The following PNO1 variants were observed in gnomAD, a reference collection of about 807,000 sequenced individuals.
PNO1 encodes partner of NOB1 homolog, also known as RNA-binding protein PNO1.
PNO1 carries 16 observed loss-of-function variants against 28.4 expected under a neutral mutation model. The ratio of observed to expected loss-of-function variants is 0.56; its 90% CI spans 0.38 to 0.85. The LOEUF (loss-of-function observed/expected upper bound fraction) is 0.85, where lower values mean the gene tolerates loss of function less well. Ranked by LOEUF, PNO1 falls within the 40% of genes least tolerant of loss-of-function variation. The probability of loss-of-function intolerance (pLI) is 0.00; values close to 1 mark genes in which losing one functional copy is unlikely to be tolerated. For missense variants in PNO1, 304 were observed against 312.2 expected, an observed-to-expected ratio of 0.97 and a Z score of 0.20; for synonymous variants, 115 against 110.8, an observed-to-expected ratio of 1.04 and a Z score of -0.24.
At chr2:68,169,954 T>G (rs1339281609) in intron 5 of PNO1, among the ~76,000 whole-genome samples, 2 of 152,226 alleles carry the variant, frequency 1.3e-5, no homozygotes, top group Non-Finnish European at 2.9e-5. Context: ...GATGGACTTT[T>G]GGGTTGTTTT....
At chr2:68,173,847 C>T (rs1224385715) in intron 6 of PNO1, among the ~76,000 whole-genome samples, 1 of 152,156 alleles carries the variant, frequency 6.6e-6, no homozygotes, top group Admixed American at 6.5e-5. Context: ...TCCCAAAGTG[C>T]TGGGATTACA....
chr2:68,161,956 G>A (rs13388772), intron 3 of PNO1, among the ~76,000 whole-genome samples, 190 bp downstream of exon 3: 4,483 of 151,888 alleles, frequency 0.03, 204 homozygotes, highest in African/African-American at 0.1. Flanking sequence ...CCAACATGGC[G>A]ATACTCTCCA....
At chr2:68,168,743 T>C (rs1026654550) in intron 5 of PNO1, among the ~76,000 whole-genome samples, 3 of 151,990 alleles carry the variant, frequency 2.0e-5, no homozygotes, top group African/African-American at 7.2e-5. Context: ...GATAAAGGGG[T>C]ATTTGGCAAA....
At chr2:68,167,512 C>A (rs1319662928) in intron 5 of PNO1, among the ~76,000 whole-genome samples, 1 of 152,226 alleles carries the variant, frequency 6.6e-6, no homozygotes, top group East Asian at 1.9e-4. Context: ...TAGATAACGG[C>A]AGTCCTGATC....
At chr2:68,159,256 G>A (rs201046439) in intron 2 of PNO1, among the ~76,000 whole-genome samples, 5 of 19,022 alleles carry the variant, frequency 2.6e-4, no homozygotes, top group East Asian at 2.5e-3. Flanking sequence ...GCATATATAT[G>A]TGTGTGTGTG....
rs1674233198 is a variant in PNO1 at position 68,174,864 on chromosome 2, C to T, written c.*62C>T. 9.6e-6 allele frequency: 10 copies of T among 1,043,260 alleles called. No individual in the cohort carries two copies. The Admixed American group carries it at 1.1e-4, about 12-fold the overall frequency. The allele number at this position is 1,043,260 out of a possible 1,614,324, so 64.6% of individuals were successfully genotyped here. ...CTGGTGAAAAATACTTTACAGTGGT[C>T]GGTCACAAGAAACCAGCTGAACAAT... On this transcript the variant is annotated 3_prime_UTR_variant, in exon 7 of 7. Coordinates refer to ENST00000263657, the MANE Select transcript of PNO1 (RefSeq NM_020143.4).
At chr2:68,159,410 T>C (rs1178613607) in intron 2 of PNO1, among the ~76,000 whole-genome samples, 3 of 152,246 alleles carry the variant, frequency 2.0e-5, no homozygotes, top group South Asian at 4.1e-4. Context: ...GGTTTTAGCA[T>C]GTTGGCCAGG....
intron 5 of PNO1, among the ~76,000 whole-genome samples, chr2:68,169,131 G>A (rs1034886365): frequency 1.3e-5 from 2 of 151,840 alleles, no homozygotes; most frequent in African/African-American, 4.8e-5. Flanking sequence ...GGGTTTCACC[G>A]TGTTAGGCAG....
rs1674182791 is a variant in PNO1 at position 68,173,396 on chromosome 2, G to A, written c.670G>A (p.Ala224Thr). ...CCAAAATATCAAGATGGCAAGAACT[G>A]CCATTTGCAACCTAATCTTGGGTAA... Reference protein sequence around the residue: ...SFQNIKMARTAICNLILGNPP... With the variant: ...SFQNIKMARTTICNLILGNPP... Residue 224 changes from alanine (A) to threonine (T), a missense_variant, in exon 6 of 7, where the codon GCC (alanine) becomes ACC (threonine). Physicochemically the swap from Ala to Thr is moderately conservative, Grantham distance 58. Coordinates refer to ENST00000263657, the MANE Select transcript of PNO1 (RefSeq NM_020143.4). The A allele has an allele frequency of 6.2e-7, 1 of 1,603,542 alleles. No individual in the cohort carries two copies. Among genetic ancestry groups the A allele is most frequent in the East Asian group, 2.2e-5 (1 of 44,828 alleles).
intron 2 of PNO1, among the ~76,000 whole-genome samples, chr2:68,160,350 T>C (rs1207628194): frequency 6.6e-6 from 1 of 152,208 alleles, no homozygotes; most frequent in Non-Finnish European, 1.5e-5. Context: ...TCATAAAGTT[T>C]GTTTATGTCC....
At chr2:68,169,542 G>A (rs1674074978) in intron 5 of PNO1, among the ~76,000 whole-genome samples, 1 of 152,192 alleles carries the variant, frequency 6.6e-6, no homozygotes, top group Non-Finnish European at 1.5e-5. Flanking sequence ...TGGCTGTGAA[G>A]TTGTCGTACA....
Position 68,174,872 on chromosome 2 carries a change from A to G in PNO1, c.*70A>G. ...AAATACTTTACAGTGGTCGGTCACA[A>G]GAAACCAGCTGAACAATTTCAGTCA... On this transcript the variant is annotated 3_prime_UTR_variant, in exon 7 of 7. Coordinates refer to ENST00000263657, the MANE Select transcript of PNO1 (RefSeq NM_020143.4). The G allele has an allele frequency of 3.2e-6, 3 of 939,446 alleles. No individual in the cohort carries two copies. Among genetic ancestry groups the G allele is most frequent in the Non-Finnish European group, 5.1e-6 (3 of 587,916 alleles). 58.2% of individuals were successfully genotyped at this position (939,446 alleles called of 1,614,324 possible).
chr2:68,170,543 C>T (rs746988715), intron 5 of PNO1, among the ~76,000 whole-genome samples: 4 of 152,012 alleles, frequency 2.6e-5, no homozygotes, highest in East Asian at 1.9e-4. Context: ...GTCAGGAGAT[C>T]GAGACCATCC....
intron 3 of PNO1, 133 bp downstream of exon 3, chr2:68,161,899 C>G: frequency 1.5e-6 from 1 of 646,044 alleles, no homozygotes; most frequent in Admixed American, 2.8e-5. Flanking sequence ...CTCTGGGAGG[C>G]TGAGGCAGGT....
At chr2:68,164,176 A>C (rs1185418817) in intron 5 of PNO1, among the ~76,000 whole-genome samples, 1 of 152,180 alleles carries the variant, frequency 6.6e-6, no homozygotes, top group Non-Finnish European at 1.5e-5. Context: ...TTGAACTGGA[A>C]ATGTGCAAAT....
In PNO1 at chr2:68,157,977, G is replaced by T. The variant is rs200032442; in HGVS notation, c.43G>T (p.Gly15Cys). The T allele has an allele frequency of 2.8e-4, 449 of 1,614,016 alleles. No homozygotes were observed. The highest frequency in any genetic ancestry group is 3.6e-4 in the Non-Finnish European group (423 of 1,180,024). ...METQSARAEE[G>C]FTQVTRKGGR... ...AACGCAGAGCGCCAGGGCAGAGGAGGGCTTTACCCAGGTCACCCGCAAGGG... is the reference window on the plus strand; with the variant it reads ...AACGCAGAGCGCCAGGGCAGAGGAGTGCTTTACCCAGGTCACCCGCAAGGG... Residue 15 changes from glycine to cysteine, a missense_variant, in exon 1 of 7, where the codon GGC becomes TGC. By Grantham distance (159) the Gly-to-Cys change is radical (BLOSUM62 -3). Transcript: ENST00000263657.
At chr2:68,161,625 A>C in intron 2 of PNO1, 58 bp from the exon 3 acceptor site, 1 of 1,033,282 alleles carries the variant, frequency 9.7e-7, no homozygotes, top group Non-Finnish European at 1.5e-6. Flanking sequence ...GTATTTTGTT[A>C]GGACATTTTC....
In PNO1 at chr2:68,157,895, C is replaced by A. The variant is rs769526860; in HGVS notation, c.-40C>A. ...GGCTGGCTTCTGCGTGGTGCAGCTG[C>A]GCACGTGTTTCAGCCGGCAGCGCTT... On this transcript the variant is annotated 5_prime_UTR_variant, in exon 1 of 7. Transcript: ENST00000263657. The A allele has an allele frequency of 1.3e-5, 21 of 1,575,132 alleles. 1 individual carries two copies. In the South Asian group the frequency reaches 2.3e-4, roughly 17 times the overall value.
intron 6 of PNO1, 152 bp downstream of exon 6, chr2:68,173,569 AAGT>A (rs1674187946): frequency 2.1e-6 from 1 of 480,304 alleles, no homozygotes; most frequent in African/African-American, 2.2e-5. Flanking sequence ...CTAGAGAAGG[AAGT>A]AGAATTTTTT....
Sources: allele counts gnomAD v4.1 joint callset (sites outside exome capture counted in the v4.1 genomes callset), GRCh38; gene constraint gnomAD v4.1.1; transcripts MANE v1.5; gene names NCBI Gene and HGNC (gene_info 2026-07-23, HGNC 2026-07-21).